The following TENM3 variants were observed in gnomAD, a reference collection of about 807,000 sequenced individuals.
TENM3 encodes the protein teneurin-3.
A neutral mutation model predicts 255.1 loss-of-function variants in TENM3; 63 were observed. That is an observed-to-expected ratio of 0.25 (90% CI 0.20 to 0.30). TENM3 has a LOEUF of 0.30. Ranked by LOEUF, TENM3 falls within the 10% of genes least tolerant of loss-of-function variation. The pLI is 1.00. For missense variants in TENM3, 2,929 were observed against 3,461.1 expected, an observed-to-expected ratio of 0.85 and a Z score of 3.86; for synonymous variants, 1,306 against 1,322.3, an observed-to-expected ratio of 0.99 and a Z score of 0.27.
At chr4:182,460,171 A>G (rs1458980674) in intron 3 of TENM3, among the ~76,000 whole-genome samples, 2 of 152,194 alleles carry the variant, frequency 1.3e-5, no homozygotes, top group Non-Finnish European at 2.9e-5. Flanking sequence ...TGATAAAACA[A>G]TAGATCATCA....
chr4:182,118,644 G>C, the TENM3 span, among the ~76,000 whole-genome samples: 1 of 151,764 alleles, frequency 6.6e-6, no homozygotes, highest in Non-Finnish European at 1.5e-5. Flanking sequence ...ACTGTTCCTA[G>C]TTTACTGAGA....
chr4:182,765,894 A>G (rs903833446), intron 22 of TENM3, among the ~76,000 whole-genome samples: 1 of 152,242 alleles, frequency 6.6e-6, no homozygotes. Flanking sequence ...AATAACACTT[A>G]ACAAAAGTTA....
chr4:182,007,624 T>C, the TENM3 span, among the ~76,000 whole-genome samples: 2,160 of 152,284 alleles, frequency 0.014, 67 homozygotes, highest in African/African-American at 0.048. Context: ...TGTCTTTGCA[T>C]GTAAGAGGGG....
chr4:181,764,271 T>C, the TENM3 span, among the ~76,000 whole-genome samples: 2 of 152,116 alleles, frequency 1.3e-5, no homozygotes, highest in African/African-American at 4.8e-5. Flanking sequence ...GATTTGTTGT[T>C]GCATGGTTGG....
At chr4:182,266,571 C>A (rs1759257450) in intron 1 of TENM3, among the ~76,000 whole-genome samples, 1 of 151,996 alleles carries the variant, frequency 6.6e-6, no homozygotes, top group East Asian at 1.9e-4. Flanking sequence ...TATGGTTAAA[C>A]ATTACAAATG....
At chr4:182,176,821 ATTTTTTTTTTTT>A (rs529637466) in intron 1 of TENM3, among the ~76,000 whole-genome samples, 4 of 113,358 alleles carry the variant, frequency 3.5e-5, no homozygotes, top group Admixed American at 2.1e-4. Context: ...CATCCGGCTA[ATTTTTTTTTTTT>A]TTTTTTTTTT....
the TENM3 span, among the ~76,000 whole-genome samples, chr4:182,017,613 A>G: frequency 2.0e-5 from 3 of 152,250 alleles, no homozygotes; most frequent in African/African-American, 7.2e-5. Flanking sequence ...CCTTACTTAG[A>G]TAAGAGCCTA....
At chr4:181,692,472 G>A in the TENM3 span, among the ~76,000 whole-genome samples, 2 of 152,158 alleles carry the variant, frequency 1.3e-5, no homozygotes, top group African/African-American at 4.8e-5. Context: ...GCATGTAACT[G>A]AGCACTTAAC....
At chr4:182,452,153 T>G (rs1280032472) in intron 3 of TENM3, among the ~76,000 whole-genome samples, 1 of 152,232 alleles carries the variant, frequency 6.6e-6, no homozygotes, top group African/African-American at 2.4e-5. Flanking sequence ...TTATTCTATC[T>G]TATCATAGAT....
At chr4:182,034,027 C>A in the TENM3 span, among the ~76,000 whole-genome samples, 1 of 152,168 alleles carries the variant, frequency 6.6e-6, no homozygotes, top group Non-Finnish European at 1.5e-5. Context: ...CAAATGTACT[C>A]ACAGTTCCAC....
chr4:182,027,343 G>A, the TENM3 span, among the ~76,000 whole-genome samples: 1 of 152,040 alleles, frequency 6.6e-6, no homozygotes, highest in East Asian at 1.9e-4. Flanking sequence ...CAACTTAACT[G>A]GATTTGTGTA....
the TENM3 span, among the ~76,000 whole-genome samples, chr4:181,749,049 A>G: frequency 2.6e-5 from 4 of 152,248 alleles, no homozygotes; most frequent in African/African-American, 9.6e-5. Context: ...GGAAAGACAT[A>G]GCAAGAAAAA....
intron 6 of TENM3, among the ~76,000 whole-genome samples, chr4:182,671,431 A>T (rs1755205313): frequency 6.6e-6 from 1 of 152,162 alleles, no homozygotes; most frequent in African/African-American, 2.4e-5. Flanking sequence ...CAGAAACCTT[A>T]TCCTACCTGT....
At chr4:182,320,254 G>A (rs1314679796) in intron 1 of TENM3, among the ~76,000 whole-genome samples, 1 of 152,244 alleles carries the variant, frequency 6.6e-6, no homozygotes, top group Non-Finnish European at 1.5e-5. Flanking sequence ...TGTGGCTGCA[G>A]TGAGAAATGA....
chr4:182,206,340 C>G (rs1009471705), intron 1 of TENM3, among the ~76,000 whole-genome samples: 8 of 152,148 alleles, frequency 5.3e-5, no homozygotes, highest in Admixed American at 2.0e-4. Flanking sequence ...TGCTCCAGCT[C>G]TTAAAATGGT....
At chr4:182,250,115 C>T (rs4504302) in intron 1 of TENM3, among the ~76,000 whole-genome samples, 7,037 of 143,454 alleles carry the variant, frequency 0.049, 304 homozygotes, top group East Asian at 0.11. Flanking sequence ...TGCAGTGGTG[C>T]GATCTGGGCT....
At chr4:181,850,310 A>T in the TENM3 span, among the ~76,000 whole-genome samples, 1 of 152,128 alleles carries the variant, frequency 6.6e-6, no homozygotes, top group Non-Finnish European at 1.5e-5. Flanking sequence ...TTTGATTAAC[A>T]AGAGATTAAA....
the TENM3 span, among the ~76,000 whole-genome samples, chr4:181,528,173 A>G: frequency 6.6e-6 from 1 of 152,156 alleles, no homozygotes; most frequent in African/African-American, 2.4e-5. Context: ...GATACTTAAT[A>G]TACATATTTG....
chr4:182,205,593 A>G (rs575217967), intron 1 of TENM3, among the ~76,000 whole-genome samples: 1 of 152,336 alleles, frequency 6.6e-6, no homozygotes, highest in African/African-American at 2.4e-5. Flanking sequence ...GCCCCCCCAA[A>G]TCACCGCGCC....
Sources: gnomAD v4.1 joint callset for allele counts (sites outside exome capture counted in the v4.1 genomes callset) on GRCh38, gnomAD v4.1.1 for gene constraint, MANE v1.5 for transcripts, NCBI Gene and HGNC (gene_info 2026-07-23, HGNC 2026-07-21) for gene names.